Variants in ARHGAP8 observed in about 807,000 individuals in gnomAD.
ARHGAP8 encodes Rho GTPase activating protein 8, also known as rho GTPase-activating protein 8.
A neutral mutation model predicts 46.1 loss-of-function variants in ARHGAP8; 62 were observed. The ratio of observed to expected loss-of-function variants is 1.34; its 90% CI spans 1.10 to 1.66. ARHGAP8 has a LOEUF of 1.66. ARHGAP8 is among the 40% of genes most tolerant of loss of function. ARHGAP8 has a pLI of 0.00. For missense variants in ARHGAP8, 923 were observed against 568.4 expected, an observed-to-expected ratio of 1.62 and a Z score of -6.34; for synonymous variants, 375 against 243.1, an observed-to-expected ratio of 1.54 and a Z score of -5.05.
intron 1 of ARHGAP8, among the ~76,000 whole-genome samples, chr22:44,754,233 A>ACT (rs1207756443): frequency 6.6e-6 from 1 of 152,024 alleles, no homozygotes; most frequent in African/African-American, 2.4e-5. Context: ...AATGGCACCT[A>ACT]CTGGCTAGGG....
intron 7 of ARHGAP8, among the ~76,000 whole-genome samples, chr22:44,838,925 G>T (rs1001085749): frequency 1.3e-5 from 2 of 152,204 alleles, no homozygotes; most frequent in African/African-American, 4.8e-5. Context: ...TTTAATATTT[G>T]CAGACCTTGG....
chr22:44,768,978 G>A (rs193039252), intron 1 of ARHGAP8, among the ~76,000 whole-genome samples: 66 of 152,092 alleles, frequency 4.3e-4, no homozygotes, highest in Middle Eastern at 3.4e-3. Flanking sequence ...GGGATTACAC[G>A]TGTGCACCAT....
chr22:44,847,982 C>T lies in ARHGAP8; in HGVS notation c.680C>T (p.Thr227Ile). ...AGCTCCTCTCCTGCAGGCCTGCGCA[C>T]CGAGGGCCTGTTCCGGAGATCCGCC... Reference protein sequence around the residue: ...VTYLREKGLRTEGLFRRSASV... With the variant: ...VTYLREKGLRIEGLFRRSASV... Residue 227 changes from threonine to isoleucine, a missense_variant, in exon 9 of 12, where the codon ACC becomes ATC. Physicochemically the swap from Thr to Ile is moderately conservative, Grantham distance 89 (BLOSUM62 -1). Transcript: ENST00000356099. 3 of 1,607,738 alleles carry T rather than the reference C, an allele frequency of 1.9e-6. No individual in the cohort carries two copies. The highest frequency in any genetic ancestry group is 2.5e-6 in the Non-Finnish European group (3 of 1,179,918).
rs144586647 is a variant in ARHGAP8, at chr22:44,767,000, A to G, written c.-72+14373A>G. Among the ~76,000 whole-genome samples the G allele has an allele frequency of 4.3e-3, 660 of 152,258 alleles. 3 individuals are homozygous for G. Among genetic ancestry groups the G allele is most frequent in the Middle Eastern group, 0.024 (7 of 294 alleles). On this transcript the variant is annotated intron_variant, in intron 1 of 11. Transcript: ENST00000356099. ...CCACTGCTTGGCTCCAAAACCAAAA[A>G]GTCTGGGCTTACCTGTGTCAAGGTA...
At position 44,774,877 on chromosome 22, in the gene ARHGAP8, C is replaced by T. The variant is rs188757649; in HGVS notation, c.-71-11580C>T. On this transcript the variant is annotated intron_variant, in intron 1 of 11. Transcript: ENST00000356099. ...ATGGAGTCTCACTCTGTCACCCGGGCTGGAGTGCAGTGGAGCAATCGTGGC... is the reference window on the plus strand; with the variant it reads ...ATGGAGTCTCACTCTGTCACCCGGGTTGGAGTGCAGTGGAGCAATCGTGGC... Among the ~76,000 whole-genome samples the T allele has an allele frequency of 4.1e-3, 624 of 152,134 alleles. 5 individuals are homozygous for T. The highest frequency in any genetic ancestry group is 0.013 in the African/African-American group (551 of 41,508).
chr22:44,756,667 A>G (rs1323655871), intron 1 of ARHGAP8, among the ~76,000 whole-genome samples: 5 of 146,074 alleles, frequency 3.4e-5, no homozygotes, highest in Non-Finnish European at 7.5e-5. Context: ...CCTATTCCCC[A>G]TATCATTTTA....
intron 6 of ARHGAP8, among the ~76,000 whole-genome samples, 183 bp from the exon 7 acceptor site, chr22:44,825,300 C>T (rs1258890480): frequency 6.6e-6 from 1 of 152,016 alleles, no homozygotes; most frequent in Non-Finnish European, 1.5e-5. Context: ...GAACAGCCCA[C>T]AGCAATGGGG....
intron 2 of ARHGAP8, among the ~76,000 whole-genome samples, chr22:44,799,143 C>A (rs544613353): frequency 2.1e-4 from 32 of 152,326 alleles, no homozygotes; most frequent in South Asian, 1.7e-3. Context: ...CTTTGTACAG[C>A]CCCCCGCCCC....
At chr22:44,859,577 T>A (rs1161133670) in intron 10 of ARHGAP8, 154 bp from the exon 11 acceptor site, 4 of 726,484 alleles carry the variant, frequency 5.5e-6, no homozygotes, top group Non-Finnish European at 7.0e-6. Context: ...AGCAGAGCCA[T>A]ACGGCCAGAA....
chr22:44,841,845 C>T (rs1178892174), intron 7 of ARHGAP8, among the ~76,000 whole-genome samples: 4 of 152,182 alleles, frequency 2.6e-5, no homozygotes, highest in Admixed American at 6.6e-5. Flanking sequence ...ATGGCCCAGC[C>T]CAGAGTCAGT....
At position 44,822,525 on chromosome 22, in the gene ARHGAP8, G is replaced by A. The variant is rs1930231384; in HGVS notation, c.485+56G>A. ...TCAATACATCTTCGTGCTTCCAAAG[G>A]GCTTGGTTCAGTCCCATGAATGTTT... On this transcript the variant is annotated intron_variant, in intron 6 of 11. Coordinates refer to ENST00000356099, the MANE Select transcript of ARHGAP8 (RefSeq NM_181335.3). The A allele has an allele frequency of 1.1e-5, 16 of 1,440,040 alleles. No individual in the cohort carries two copies. In the South Asian group the frequency reaches 1.2e-4, roughly 11 times the overall value. The allele number at this position is 1,440,040 out of a possible 1,614,324, so 89.2% of individuals were successfully genotyped here.
chr22:44,775,739 C>T (rs1326249460), intron 1 of ARHGAP8, among the ~76,000 whole-genome samples: 5 of 152,042 alleles, frequency 3.3e-5, no homozygotes, highest in Non-Finnish European at 7.4e-5. Flanking sequence ...TGTGAGCCAC[C>T]GCACCTGGCC....
At chr22:44,842,841 T>A (rs936879213) in intron 7 of ARHGAP8, among the ~76,000 whole-genome samples, 1 of 152,122 alleles carries the variant, frequency 6.6e-6, no homozygotes, top group Non-Finnish European at 1.5e-5. Flanking sequence ...GTGCAAAGGC[T>A]CACATCACAG....
intron 7 of ARHGAP8, among the ~76,000 whole-genome samples, chr22:44,834,757 GT>G (rs1164606300): frequency 9.2e-5 from 14 of 152,060 alleles, no homozygotes; most frequent in Non-Finnish European, 2.1e-4. Context: ...AATTATGTCT[GT>G]TTTGGCTCCA....
At chr22:44,817,578 C>T (rs540911190) in intron 5 of ARHGAP8, among the ~76,000 whole-genome samples, 35 of 151,824 alleles carry the variant, frequency 2.3e-4, no homozygotes, top group Non-Finnish European at 3.2e-4. Flanking sequence ...CTGAGGCTAG[C>T]GGATCACCTG....
chr22:44,770,199 A>G (rs745606984), intron 1 of ARHGAP8, among the ~76,000 whole-genome samples: 13 of 152,066 alleles, frequency 8.5e-5, no homozygotes, highest in Non-Finnish European at 1.5e-4. Context: ...AGCCAAGATC[A>G]TGCCACTGCA....
intron 7 of ARHGAP8, among the ~76,000 whole-genome samples, chr22:44,831,712 G>T (rs1424247211): frequency 6.6e-6 from 1 of 152,018 alleles, no homozygotes; most frequent in Non-Finnish European, 1.5e-5. Flanking sequence ...AAAAAGAAAA[G>T]AAAATACTTT....
intron 10 of ARHGAP8, among the ~76,000 whole-genome samples, chr22:44,859,197 G>T (rs528608560): frequency 1.3e-5 from 2 of 152,298 alleles, no homozygotes; most frequent in African/African-American, 4.8e-5. Flanking sequence ...ATAGGGCTTG[G>T]ATCTGAGTCC....
intron 7 of ARHGAP8, among the ~76,000 whole-genome samples, chr22:44,833,381 A>G (rs1040274811): frequency 5.3e-5 from 8 of 151,940 alleles, no homozygotes; most frequent in African/African-American, 1.7e-4. Flanking sequence ...GTTCATGTAA[A>G]GGTGTTAGGT....
Sources: allele counts gnomAD v4.1 joint callset (sites outside exome capture counted in the v4.1 genomes callset), GRCh38; gene constraint gnomAD v4.1.1; transcripts MANE v1.5; gene names NCBI Gene and HGNC (gene_info 2026-07-23, HGNC 2026-07-21).